The following UNC13C variants were observed in gnomAD, a reference collection of about 807,000 sequenced individuals.
The protein encoded by UNC13C is unc-13 homolog C.
In UNC13C, 174 loss-of-function variants were observed where a neutral mutation model predicts 245.4. That is an observed-to-expected ratio of 0.71 (90% CI 0.63 to 0.80). UNC13C has a LOEUF of 0.80. UNC13C is among the 30% of genes least tolerant of loss of function. The probability of loss-of-function intolerance (pLI) is 0.00; values close to 1 mark genes in which losing one functional copy is unlikely to be tolerated. For missense variants in UNC13C, 2,829 were observed against 2,602.9 expected (o/e 1.09, Z -1.89); for synonymous variants, 992 against 895.1 (o/e 1.11, Z -1.93).
intron 30 of UNC13C, among the ~76,000 whole-genome samples, chr15:54,595,239 G>A (rs140778468): frequency 4.6e-5 from 7 of 152,118 alleles, no homozygotes; most frequent in African/African-American, 7.2e-5. Flanking sequence ...GTGGAATGCC[G>A]TTATGCTCTC....
chr15:54,270,867 AT>A (rs377359792), intron 10 of UNC13C, among the ~76,000 whole-genome samples: 27 of 151,912 alleles, frequency 1.8e-4, no homozygotes, highest in East Asian at 5.8e-4. Flanking sequence ...GGGAAGTGTG[AT>A]TTTTTTTCCC....
At position 54,627,231 on chromosome 15, in the gene UNC13C, G is replaced by A; in HGVS notation, c.*118G>A. On this transcript the variant is annotated 3_prime_UTR_variant, in exon 33 of 33. Coordinates refer to ENST00000260323, the MANE Select transcript of UNC13C (RefSeq NM_001080534.3). Reference sequence around the variant, plus strand: ...ATGTTTGCCAGTACTCATGTACGATGTCTACAAGGTATGTAAAAAACCTGC... The same window carrying A: ...ATGTTTGCCAGTACTCATGTACGATATCTACAAGGTATGTAAAAAACCTGC... The A allele has an allele frequency of 9.4e-7, 1 of 1,061,410 alleles. No individual in the cohort carries two copies. The highest frequency in any genetic ancestry group is 1.3e-6 in the Non-Finnish European group (1 of 771,034). 65.7% of individuals were successfully genotyped at this position (1,061,410 alleles called of 1,614,324 possible). A position where few individuals can be genotyped will look rare whatever the true frequency, so the allele number is the denominator to read the frequency against.
intron 4 of UNC13C, among the ~76,000 whole-genome samples, chr15:54,146,165 A>G (rs1202523821): frequency 6.6e-6 from 1 of 152,144 alleles, no homozygotes; most frequent in Non-Finnish European, 1.5e-5. Context: ...AATATTTTAG[A>G]ATATATTTTT....
intron 4 of UNC13C, among the ~76,000 whole-genome samples, chr15:54,205,791 C>T (rs1025224336): frequency 6.6e-6 from 1 of 152,034 alleles, no homozygotes; most frequent in African/African-American, 2.4e-5. Flanking sequence ...CCTCACTTTT[C>T]ACAGCACACA....
At chr15:53,961,567 T>C in the UNC13C span, among the ~76,000 whole-genome samples, 1 of 152,240 alleles carries the variant, frequency 6.6e-6, no homozygotes, top group Non-Finnish European at 1.5e-5. Flanking sequence ...TGTTTGAATC[T>C]TGATTTTCTT....
intron 7 of UNC13C, among the ~76,000 whole-genome samples, chr15:54,240,521 A>C (rs1447359329): frequency 6.6e-6 from 1 of 152,196 alleles, no homozygotes; most frequent in Non-Finnish European, 1.5e-5. Context: ...TTTGAAGCTC[A>C]GTCATCTTTT....
intron 30 of UNC13C, among the ~76,000 whole-genome samples, chr15:54,570,475 A>G (rs1393904862): frequency 6.6e-6 from 1 of 152,158 alleles, no homozygotes; most frequent in East Asian, 1.9e-4. Context: ...TTATACTTCC[A>G]CATTAGGGGA....
At chr15:54,015,985 T>C (rs924724738) in intron 2 of UNC13C, 99 bp downstream of exon 2, 1 of 1,063,004 alleles carries the variant, frequency 9.4e-7, no homozygotes, top group South Asian at 1.8e-5. Flanking sequence ...TGAAAGAGTT[T>C]ACTTGCAATG....
At chr15:53,977,150 C>G (rs75934793), upstream of UNC13C, among the ~76,000 whole-genome samples, 6 of 152,190 alleles carry the variant, frequency 3.9e-5, no homozygotes, top group East Asian at 7.7e-4. Context: ...ACTTAAGCAG[C>G]GGGTAAGGGA....
chr15:54,093,469 G>C (rs1403155547), intron 2 of UNC13C, among the ~76,000 whole-genome samples: 3 of 152,190 alleles, frequency 2.0e-5, no homozygotes, highest in African/African-American at 7.2e-5. Flanking sequence ...CTAATGAAAA[G>C]CCTGAATTAT....
intron 7 of UNC13C, among the ~76,000 whole-genome samples, chr15:54,244,599 A>G (rs1303512078): frequency 1.3e-5 from 2 of 152,204 alleles, no homozygotes; most frequent in South Asian, 2.1e-4. Flanking sequence ...CTTCCTATCC[A>G]TGAACATGGA....
Position 54,627,863 on chromosome 15 carries a change from T to C in UNC13C, c.*750T>C, listed in dbSNP as rs1459764750. The stretch of plus-strand genomic sequence containing the variant: ...TATGTCTTGGCTTTACCATATTTCA[T>C]TCTTTAAAAAGTCATTAATGGTTTA... On this transcript the variant is annotated 3_prime_UTR_variant, in exon 33 of 33. Transcript: ENST00000260323. 6.6e-6 allele frequency: 1 copy of C among 152,588 alleles called. No individual in the cohort carries two copies. Among genetic ancestry groups the C allele is most frequent in the Non-Finnish European group, 1.5e-5 (1 of 68,006 alleles). 9.5% of individuals were successfully genotyped at this position (152,588 alleles called of 1,614,324 possible). A position where few individuals can be genotyped will look rare whatever the true frequency, so the allele number is the denominator to read the frequency against.
chr15:54,610,513 T>A (rs1295485988), intron 30 of UNC13C, among the ~76,000 whole-genome samples: 1 of 152,154 alleles, frequency 6.6e-6, no homozygotes, highest in African/African-American at 2.4e-5. Context: ...TATGTGTCTT[T>A]GTGTATTTGT....
At chr15:54,488,184 TG>T (rs1893523804) in intron 19 of UNC13C, among the ~76,000 whole-genome samples, 1 of 152,224 alleles carries the variant, frequency 6.6e-6, no homozygotes, top group South Asian at 2.1e-4. Context: ...ATAATTACCT[TG>T]GAAATGCTTA....
intron 11 of UNC13C, among the ~76,000 whole-genome samples, chr15:54,297,579 C>G (rs2037469396): frequency 6.6e-6 from 1 of 152,090 alleles, no homozygotes; most frequent in Non-Finnish European, 1.5e-5. Flanking sequence ...GTCTCAAACT[C>G]CTAGCATTAA....
chr15:53,898,412 AC>A, the UNC13C span, among the ~76,000 whole-genome samples: 1 of 16,670 alleles, frequency 6.0e-5, no homozygotes. Flanking sequence ...CCAGACACAT[AC>A]ACACACACAC....
intron 19 of UNC13C, among the ~76,000 whole-genome samples, chr15:54,436,284 A>T (rs1267416613): frequency 6.6e-6 from 1 of 152,020 alleles, no homozygotes. Context: ...TAGAAATACC[A>T]TTTGACCCAG....
chr15:54,161,476 T>G (rs2032972371), intron 4 of UNC13C, among the ~76,000 whole-genome samples: 1 of 152,124 alleles, frequency 6.6e-6, no homozygotes, highest in Non-Finnish European at 1.5e-5. Context: ...ATTTAAATAT[T>G]TATTAATTTA....
intron 19 of UNC13C, among the ~76,000 whole-genome samples, chr15:54,475,703 A>G (rs1197003597): frequency 4.2e-5 from 6 of 141,362 alleles, no homozygotes; most frequent in African/African-American, 1.6e-4. Context: ...AATCCAGTCT[A>G]TCATTGTTGG....
Sources: gnomAD v4.1 joint callset for allele counts (sites outside exome capture counted in the v4.1 genomes callset) on GRCh38, gnomAD v4.1.1 for gene constraint, MANE v1.5 for transcripts, NCBI Gene and HGNC (gene_info 2026-07-23, HGNC 2026-07-21) for gene names.